LILRB5: variants seen among roughly 807,000 people sequenced by gnomAD.
LILRB5 encodes the protein leukocyte immunoglobulin like receptor B5.
A neutral mutation model predicts 68.4 loss-of-function variants in LILRB5; 61 were observed. The observed-to-expected ratio is 0.89, with a 90% CI of 0.73 to 1.10. The LOEUF is 1.10. Among genes scored for constraint, LILRB5 ranks in the 50% least tolerant of loss-of-function variants. LILRB5 has a pLI of 0.00. For missense variants in LILRB5, 771 were observed against 751.6 expected (o/e 1.03, Z -0.30); for synonymous variants, 356 against 315.8 (o/e 1.13, Z -1.35).
intron 2 of LILRB5, 42 bp downstream of exon 2, chr19:54,256,919 C>T (rs1232186071): frequency 6.2e-7 from 1 of 1,613,998 alleles, no homozygotes; most frequent in Non-Finnish European, 8.5e-7. Context: ...CCCTTGTCCC[C>T]AGTGAGAAGA....
Position 54,250,171 on chromosome 19 carries a change from A to T in LILRB5, c.*615T>A, listed in dbSNP as rs1336786094. The T allele has an allele frequency of 6.5e-6, 1 of 152,780 alleles. No individual in the cohort carries two copies. Among genetic ancestry groups the T allele is most frequent in the Non-Finnish European group, 1.5e-5 (1 of 68,468 alleles). The allele number at this position is 152,780 out of a possible 1,614,324, so 9.5% of individuals were successfully genotyped here. The stretch of plus-strand genomic sequence containing the variant: ...AAAAAATAAAGGCAATATGTGTCAG[A>T]TTTGTGGTGGTGTCTGCTGTTTCAC... On this transcript the variant is annotated 3_prime_UTR_variant, in exon 13 of 13. Coordinates refer to ENST00000449561, the MANE Select transcript of LILRB5 (RefSeq NM_001081442.3).
intron 11 of LILRB5, 36 bp from the exon 12 acceptor site, chr19:54,252,142 A>C: frequency 6.2e-7 from 1 of 1,609,372 alleles, no homozygotes; most frequent in Non-Finnish European, 8.5e-7. Context: ...TCTCCTGGGA[A>C]GGTTCTCTGA....
Position 54,255,887 on chromosome 19 carries a change from C to T in LILRB5, c.655+156G>A, listed in dbSNP as rs571921853. ...GTGAGGGTGACTCAGGCTCCTGTTTCCCCATCTGAGCCTCCCCGTGGGGTC... is the reference window on the plus strand; with the variant it reads ...GTGAGGGTGACTCAGGCTCCTGTTTTCCCATCTGAGCCTCCCCGTGGGGTC... On this transcript the variant is annotated intron_variant, in intron 4 of 12. Coordinates refer to ENST00000449561, the MANE Select transcript of LILRB5 (RefSeq NM_001081442.3). The T allele has an allele frequency of 4.4e-6, 3 of 687,142 alleles. No homozygotes were observed. The South Asian group carries it at 6.2e-5, about 14-fold the overall frequency. 42.6% of individuals were successfully genotyped at this position (687,142 alleles called of 1,614,324 possible).
chr19:54,253,753 A>G, intron 8 of LILRB5: 2 of 1,271,290 alleles, frequency 1.6e-6, no homozygotes, highest in Non-Finnish European at 1.1e-6. Flanking sequence ...CCGGAGCTGC[A>G]GGGAAAGAGC....
intron 2 of LILRB5, 39 bp downstream of exon 2, chr19:54,256,922 T>C (rs2079166569): frequency 1.2e-6 from 2 of 1,613,136 alleles, no homozygotes; most frequent in Non-Finnish European, 1.7e-6. Flanking sequence ...TTGTCCCCAG[T>C]GAGAAGAAGG....
chr19:54,254,964 C>A lies in LILRB5; in HGVS notation c.1026G>T (p.Leu342=). ...PKVASGENVT[L]LCQSWHQIDT... is the part of the protein sequence containing the mutation. ...CTATCTGATGCCATGACTGACACAG[C>A]AGGGTCACGTTCTCTCCTGAGGCCA... The change falls in exon 6 of 13, where the codon CTG becomes CTT. Residue 342 remains leucine, a synonymous_variant. Transcript: ENST00000449561. 1 of 1,614,042 alleles carries A rather than the reference C, an allele frequency of 6.2e-7. No homozygotes were observed. Among genetic ancestry groups the A allele is most frequent in the Non-Finnish European group, 8.5e-7 (1 of 1,179,952 alleles).
In LILRB5 at chr19:54,252,511, G is replaced by A; in HGVS notation, c.1513C>T (p.Pro505Ser). 6.2e-7 allele frequency: 1 copy of A among 1,614,150 alleles called. No individual in the cohort carries two copies. Among genetic ancestry groups the A allele is most frequent in the East Asian group, 2.2e-5 (1 of 44,880 alleles). Residue 505 changes from proline to serine, a missense_variant, in exon 10 of 13, where the codon CCC becomes TCC. By Grantham distance (74) the Pro-to-Ser change is moderately conservative (BLOSUM62 -1). Coordinates refer to ENST00000449561, the MANE Select transcript of LILRB5 (RefSeq NM_001081442.3). Reference protein sequence around the residue: ...YRPAGAAGPEPKDQGLQKRAS... With the variant: ...YRPAGAAGPESKDQGLQKRAS... ...CTCTTCTGCAGGCCCTGGTCCTTGG[G>A]CTCTGGCCCCGCAGCCCCTGCAGGA...
rs1601016659 is a variant in LILRB5, at chr19:54,251,236, C to T, written c.1630-304G>A. The T allele has an allele frequency of 4.3e-6, 5 of 1,168,608 alleles. No homozygotes were observed. The East Asian group carries it at 1.2e-4, about 27-fold the overall frequency. The allele number at this position is 1,168,608 out of a possible 1,614,324, so 72.4% of individuals were successfully genotyped here. On this transcript the variant is annotated intron_variant, in intron 12 of 12. Coordinates refer to ENST00000449561, the MANE Select transcript of LILRB5 (RefSeq NM_001081442.3). ...GACCTCCTGGAGTCAATTTTCCTCA[C>T]TGTTCCCGGGGTGATCCGATTACAT...
chr19:54,255,845 G>C, intron 4 of LILRB5, 198 bp downstream of exon 4: 1 of 652,374 alleles, frequency 1.5e-6, no homozygotes, highest in Non-Finnish European at 2.6e-6. Flanking sequence ...TTGCCTTCCT[G>C]AGTCGACCCC....
intron 2 of LILRB5, 59 bp downstream of exon 2, chr19:54,256,902 G>C: frequency 6.2e-7 from 1 of 1,613,444 alleles, no homozygotes; most frequent in Non-Finnish European, 8.5e-7. Flanking sequence ...AGCTGCCCGG[G>C]GTTGGGCCCT....
intron 9 of LILRB5, 146 bp downstream of exon 9, chr19:54,252,725 A>G: frequency 1.0e-6 from 1 of 995,986 alleles, no homozygotes; most frequent in Non-Finnish European, 1.5e-6. Flanking sequence ...GCTCACATTT[A>G]TTCTCTTCTT....
At position 54,255,492 on chromosome 19, in the gene LILRB5, CCGACATCAGAG is replaced by C. The variant is rs1447483369; in HGVS notation, c.735_745del (p.Ser246LeufsTer2). The C allele has an allele frequency of 1.9e-6, 3 of 1,614,060 alleles. No homozygotes were observed. The highest frequency in any genetic ancestry group is 1.7e-6 in the Non-Finnish European group (2 of 1,179,970). On this transcript the variant is annotated frameshift_variant, in exon 5 of 13. Transcript: ENST00000449561. LOFTEE classifies it high-confidence loss of function. ...CTTGTACAGAACGAATATGTCATAG[CCGACATCAGAG>C]CGACACTGCAGGGTCAGGCTGCCTC...
chr19:54,254,577 G>A (rs1443898043), intron 6 of LILRB5, 158 bp downstream of exon 6: 9 of 1,225,670 alleles, frequency 7.3e-6, no homozygotes, highest in African/African-American at 6.0e-5. Flanking sequence ...GGGAGCCCCC[G>A]TTGTCCTCCT....
At chr19:54,255,746 A>G (rs2079119619) in intron 4 of LILRB5, 164 bp from the exon 5 acceptor site, 1 of 877,428 alleles carries the variant, frequency 1.1e-6, no homozygotes, top group Non-Finnish European at 1.7e-6. Flanking sequence ...GTAGTTCCAG[A>G]CCGATAGTGT....
At chr19:54,251,572 T>G (rs3893859) in intron 12 of LILRB5, 9,580 of 511,740 alleles carry the variant, frequency 0.019, 48 homozygotes, top group Middle Eastern at 0.03. Flanking sequence ...TTTCCCTGGT[T>G]TATGTTCCTT....
Position 54,252,959 on chromosome 19 carries a change from A to C in LILRB5, c.1386T>G (p.Thr462=). 1 of 1,568,962 alleles carries C rather than the reference A, an allele frequency of 6.4e-7. No homozygotes were observed. Among genetic ancestry groups the C allele is most frequent in the Non-Finnish European group, 8.7e-7 (1 of 1,151,640 alleles). ...GCAGGACGAAGGCCACTGAGACCCC[A>C]GTCACAACCCCCAGGTGCCTTCCCA... The part of the protein sequence containing the change: ...SGLGRHLGVV[T]GVSVAFVLLL... The change falls in exon 9 of 13, where the codon ACT becomes ACG. Residue 462 remains threonine (T), a synonymous_variant. Coordinates refer to ENST00000449561, the MANE Select transcript of LILRB5 (RefSeq NM_001081442.3).
At chr19:54,252,649 G>A (rs1356694584) in intron 9 of LILRB5, 100 bp from the exon 10 acceptor site, 2 of 1,344,706 alleles carry the variant, frequency 1.5e-6, no homozygotes, top group Non-Finnish European at 2.1e-6. Flanking sequence ...AGGCCCACTG[G>A]CACTGAGGCT....
rs1184506020 is a variant in LILRB5 at position 54,250,034 on chromosome 19, A to AAAAC, written c.*748_*751dup. 2 of 101,114 alleles carry AAAAC rather than the reference A, an allele frequency of 2.0e-5. No individual in the cohort carries two copies. The highest frequency in any genetic ancestry group is 4.1e-5 in the Non-Finnish European group (2 of 48,428). 6.3% of individuals were successfully genotyped at this position (101,114 alleles called of 1,614,324 possible). On this transcript the variant is annotated 3_prime_UTR_variant, in exon 13 of 13. Transcript: ENST00000449561. ...GTGATAGAGCGAGACTCCGTCTCAA[A>AAAAC]AAACAAAACAAAACAAAACAAAAAC...
intron 12 of LILRB5, 198 bp downstream of exon 12, chr19:54,251,856 G>C (rs1043793061): frequency 1.2e-5 from 9 of 751,082 alleles, no homozygotes; most frequent in Admixed American, 3.8e-5. Flanking sequence ...GAGCAGGAAG[G>C]GGACCCGGGA....
Sources: gnomAD v4.1 joint callset for allele counts on GRCh38, gnomAD v4.1.1 for gene constraint, MANE v1.5 for transcripts, NCBI Gene and HGNC (gene_info 2026-07-23, HGNC 2026-07-21) for gene names.